PINX1: variants seen among roughly 807,000 people sequenced by gnomAD.
PINX1 encodes PIN2/TERF1-interacting telomerase inhibitor 1.
In PINX1, 34 loss-of-function variants were observed where a neutral mutation model predicts 25.4. The observed-to-expected ratio is 1.34, with a 90% CI of 1.02 to 1.78. The LOEUF is 1.78. PINX1 is among the 40% of genes most tolerant of loss of function. PINX1 has a pLI of 0.00. For synonymous variants in PINX1, 197 were observed against 147.7 expected, an observed-to-expected ratio of 1.33 and a Z score of -2.42; for missense variants, 592 against 404.9, an observed-to-expected ratio of 1.46 and a Z score of -3.97.
chr8:10,831,298 T>A (rs1403417739), intron 4 of PINX1, among the ~76,000 whole-genome samples: 2 of 152,194 alleles, frequency 1.3e-5, no homozygotes, highest in African/African-American at 2.4e-5. Context: ...AACAGCTATG[T>A]AGGAACAGCT....
Position 10,765,629 on chromosome 8 carries a change from C to G in PINX1, c.759G>C (p.Lys253Asn), listed in dbSNP as rs1022855769. 29 of 1,613,058 alleles carry G rather than the reference C, an allele frequency of 1.8e-5. No individual in the cohort carries two copies. Among genetic ancestry groups the G allele is most frequent in the Non-Finnish European group, 2.3e-5 (27 of 1,179,230 alleles). The change falls in exon 7 of 7, where the codon AAG (lysine) becomes AAC (asparagine). Residue 253 changes from lysine (K) to asparagine (N), a missense_variant. By Grantham distance (94) the Lys-to-Asn change is moderately conservative. Coordinates refer to ENST00000314787, the MANE Select transcript of PINX1 (RefSeq NM_017884.6). The stretch of plus-strand genomic sequence containing the variant: ...TGAGCTGCTCTTCTGCTGGCGCGCT[C>G]TTCTTCTTGGCCACTCGCTCCTGGG... ...AEAQERVAKK[K>N]SAPAEEQLRG... is the part of the protein sequence containing the mutation.
Position 10,779,677 on chromosome 8 carries a change from C to T in PINX1, c.472-13761G>A, listed in dbSNP as rs375558209. On this transcript the variant is annotated intron_variant, in intron 6 of 6. Coordinates refer to ENST00000314787, the MANE Select transcript of PINX1 (RefSeq NM_017884.6). ...TCTGGAACCTGTTGATTCCAGGAAA[C>T]TTACTGTCGGGAAGTAAAGATAAAA... Among the ~76,000 whole-genome samples, 7 of 152,152 alleles carry T rather than the reference C, an allele frequency of 4.6e-5. No homozygotes were observed. In the East Asian group the frequency reaches 7.7e-4, roughly 17 times the overall value.
At chr8:10,792,951 G>A (rs879304656) in intron 6 of PINX1, among the ~76,000 whole-genome samples, 9 of 152,052 alleles carry the variant, frequency 5.9e-5, no homozygotes, top group East Asian at 1.9e-4. Flanking sequence ...GAAGCTGACC[G>A]CACACTGCAC....
At chr8:10,804,161 G>A (rs1169784899) in intron 6 of PINX1, among the ~76,000 whole-genome samples, 1 of 152,174 alleles carries the variant, frequency 6.6e-6, no homozygotes, top group East Asian at 1.9e-4. Flanking sequence ...ACAGTAATCA[G>A]CAAATTCAGA....
At chr8:10,767,039 CTT>C (rs2129070076) in intron 6 of PINX1, among the ~76,000 whole-genome samples, 2 of 152,280 alleles carry the variant, frequency 1.3e-5, no homozygotes, top group East Asian at 3.9e-4. Flanking sequence ...TCATGCTAAA[CTT>C]AGGTTTTCAT....
At chr8:10,834,495 A>G (rs1401795554) in intron 2 of PINX1, 171 bp downstream of exon 2, 1 of 945,162 alleles carries the variant, frequency 1.1e-6, no homozygotes, top group Admixed American at 3.0e-5. Flanking sequence ...GTTGACACTT[A>G]TGTCCAATCC....
intron 6 of PINX1, among the ~76,000 whole-genome samples, chr8:10,770,512 T>C (rs764614584): frequency 3.9e-5 from 6 of 152,222 alleles, no homozygotes; most frequent in Non-Finnish European, 7.3e-5. Flanking sequence ...TCTGCTTCTT[T>C]TAGGATCCTC....
Position 10,805,678 on chromosome 8 carries a change from G to A in PINX1, c.471+14515C>T, listed in dbSNP as rs1302579575. On this transcript the variant is annotated intron_variant, in intron 6 of 6. Transcript: ENST00000314787. ...TGAGTGGGTGACGGAGCACAGGAAG[G>A]GGCCACACTAGTGCTGAGTGGGTGA... Among the ~76,000 whole-genome samples the A allele has an allele frequency of 2.0e-4, 15 of 74,036 alleles. 1 individual carries two copies. The highest frequency in any genetic ancestry group is 6.9e-4 in the African/African-American group (9 of 13,100). 48.6% of individuals were successfully genotyped at this position (74,036 alleles called of 152,430 possible).
At chr8:10,805,207 C>T (rs537402688) in intron 6 of PINX1, among the ~76,000 whole-genome samples, 1 of 152,318 alleles carries the variant, frequency 6.6e-6, no homozygotes, top group South Asian at 2.1e-4. Flanking sequence ...CGACCTCCTG[C>T]AGGGCGTGCT....
intron 6 of PINX1, among the ~76,000 whole-genome samples, chr8:10,795,749 C>G (rs1163865500): frequency 6.6e-6 from 1 of 152,126 alleles, no homozygotes; most frequent in Non-Finnish European, 1.5e-5. Flanking sequence ...ACTGTATTAC[C>G]TAAATAGGTA....
chr8:10,821,643 G>A (rs1797872745), intron 5 of PINX1, among the ~76,000 whole-genome samples: 1 of 152,214 alleles, frequency 6.6e-6, no homozygotes, highest in African/African-American at 2.4e-5. Context: ...GGAAGAGGTG[G>A]ACAAACTCAT....
rs879212778 is a variant in PINX1 at position 10,839,873 on chromosome 8, G to A, written c.-117C>T. ...ACTCCCTCGCCGGCGGACTGCAGCGGACGGGGCGCGTGCTGGTGACGTCAG... is the reference window on the plus strand; with the variant it reads ...ACTCCCTCGCCGGCGGACTGCAGCGAACGGGGCGCGTGCTGGTGACGTCAG... On this transcript the variant is annotated 5_prime_UTR_variant, in exon 1 of 7. Coordinates refer to ENST00000314787, the MANE Select transcript of PINX1 (RefSeq NM_017884.6). 29 of 1,020,734 alleles carry A rather than the reference G, an allele frequency of 2.8e-5. No individual in the cohort carries two copies. The African/African-American group carries it at 4.0e-4, about 14-fold the overall frequency. 63.2% of individuals were successfully genotyped at this position (1,020,734 alleles called of 1,614,324 possible).
intron 5 of PINX1, among the ~76,000 whole-genome samples, chr8:10,820,756 A>G (rs1384209608): frequency 6.6e-6 from 1 of 152,358 alleles, no homozygotes; most frequent in East Asian, 1.9e-4. Context: ...TTTGACACAC[A>G]GGATCTTAAT....
In PINX1 at chr8:10,777,858, C is replaced by T. The variant is rs539947259; in HGVS notation, c.472-11942G>A. 5.3e-4 allele frequency among the ~76,000 whole-genome samples: 81 copies of T among 152,268 alleles called. 2 individuals are homozygous for T. Among genetic ancestry groups the T allele is most frequent in the Admixed American group, 3.7e-3 (56 of 15,294 alleles). On this transcript the variant is annotated intron_variant, in intron 6 of 6. Transcript: ENST00000314787. ...AGGATGGATCTGCTATCAGATACTCCGTGGAAAGACTGCGGGGTCCAGGTT... is the reference window on the plus strand; with the variant it reads ...AGGATGGATCTGCTATCAGATACTCTGTGGAAAGACTGCGGGGTCCAGGTT...
rs769917198 is a variant in PINX1 at position 10,765,724 on chromosome 8, T to C, written c.664A>G (p.Lys222Glu). 2.5e-6 allele frequency: 4 copies of C among 1,613,840 alleles called. No homozygotes were observed. In the South Asian group the frequency reaches 4.4e-5, roughly 18 times the overall value. The change falls in exon 7 of 7, where the codon AAA becomes GAA. Residue 222 changes from lysine to glutamate, a missense_variant. Lys to Glu is a moderately conservative substitution (Grantham distance 56, BLOSUM62 1). Transcript: ENST00000314787. Reference protein sequence around the residue: ...GKKRNKEATGKDVESYLQPKA... With the variant: ...GKKRNKEATGEDVESYLQPKA... ...GGCTGGAGGTAACTTTCCACATCTT[T>C]ACCTGTGGCCTCTTTATTTCTTTTC...
At chr8:10,788,732 C>T (rs559998611) in intron 6 of PINX1, among the ~76,000 whole-genome samples, 2 of 152,252 alleles carry the variant, frequency 1.3e-5, no homozygotes, top group African/African-American at 2.4e-5. Context: ...GAGAAATCAT[C>T]GTGGACTCTT....
At chr8:10,793,408 G>A (rs1054954795) in intron 6 of PINX1, among the ~76,000 whole-genome samples, 2 of 152,084 alleles carry the variant, frequency 1.3e-5, no homozygotes, top group African/African-American at 4.8e-5. Flanking sequence ...AATTGTCTTG[G>A]GCCATCCATA....
At chr8:10,788,595 A>G (rs1052328581) in intron 6 of PINX1, among the ~76,000 whole-genome samples, 1 of 152,088 alleles carries the variant, frequency 6.6e-6, no homozygotes, top group African/African-American at 2.4e-5. Flanking sequence ...AAGTGAATGT[A>G]TATCTATTGG....
rs1733662284 is a variant in PINX1 at position 10,834,400 on chromosome 8, A to G, written c.129+266T>C. On this transcript the variant is annotated intron_variant, in intron 2 of 6. Coordinates refer to ENST00000314787, the MANE Select transcript of PINX1 (RefSeq NM_017884.6). Reference sequence around the variant, plus strand: ...TATCAGCAGAGGCTCTACTGGAGTCAAGAATAAATGGAAAGGGAAAAAGCG... The same window carrying G: ...TATCAGCAGAGGCTCTACTGGAGTCGAGAATAAATGGAAAGGGAAAAAGCG... The G allele has an allele frequency of 9.6e-6, 4 of 416,748 alleles. No individual in the cohort carries two copies. The Admixed American group carries it at 1.2e-4, about 13-fold the overall frequency. 25.8% of individuals were successfully genotyped at this position (416,748 alleles called of 1,614,324 possible). A position where few individuals can be genotyped will look rare whatever the true frequency, so the allele number is the denominator to read the frequency against.
Sources: gnomAD v4.1 joint callset for allele counts (sites outside exome capture counted in the v4.1 genomes callset) on GRCh38, gnomAD v4.1.1 for gene constraint, MANE v1.5 for transcripts, NCBI Gene and HGNC (gene_info 2026-07-23, HGNC 2026-07-21) for gene names.